The following MRTFB variants were observed in gnomAD, a reference collection of about 807,000 sequenced individuals.
MRTFB encodes the protein myocardin-related transcription factor B.
In MRTFB, 29 loss-of-function variants were observed where a neutral mutation model predicts 104.2. The ratio of observed to expected loss-of-function variants is 0.28; its 90% CI spans 0.21 to 0.38. The LOEUF (loss-of-function observed/expected upper bound fraction) is 0.38. Ranked by LOEUF, MRTFB falls within the 10% of genes least tolerant of loss-of-function variation. The pLI is 1.00. For missense variants in MRTFB, 1,270 were observed against 1,341.6 expected (o/e 0.95, Z 0.83); for synonymous variants, 535 against 519.5 (o/e 1.03, Z -0.41).
chr16:14,062,808 C>T, the MRTFB span, among the ~76,000 whole-genome samples: 5 of 152,278 alleles, frequency 3.3e-5, no homozygotes, highest in East Asian at 1.9e-4. Flanking sequence ...CCTGCTCCTG[C>T]GCCATGAAAC....
chr16:14,193,994 C>T (rs1483075770), intron 3 of MRTFB, among the ~76,000 whole-genome samples: 1 of 152,082 alleles, frequency 6.6e-6, no homozygotes, highest in Non-Finnish European at 1.5e-5. Context: ...TAAACCCATC[C>T]TAAGTGAAGG....
Position 14,134,828 on chromosome 16 carries a change from A to G in MRTFB, c.-63-5716A>G, listed in dbSNP as rs147862691. On this transcript the variant is annotated intron_variant, in intron 2 of 16. Transcript: ENST00000571589. ...GAATGTGAGCTCTGAAGTTGGAAAC[A>G]TGGCTTTGATGTTAGTCTCTTAAGT... Among the ~76,000 whole-genome samples the G allele has an allele frequency of 7.9e-5, 12 of 152,320 alleles. No homozygotes were observed. In the East Asian group the frequency reaches 2.1e-3, roughly 27 times the overall value.
intron 3 of MRTFB, among the ~76,000 whole-genome samples, chr16:14,176,351 G>T (rs1340159542): frequency 6.6e-6 from 1 of 152,224 alleles, no homozygotes; most frequent in African/African-American, 2.4e-5. Context: ...CGAAGATGGG[G>T]TAAGGGGTTT....
At chr16:14,105,181 A>G (rs930855708) in intron 2 of MRTFB, among the ~76,000 whole-genome samples, 1 of 152,174 alleles carries the variant, frequency 6.6e-6, no homozygotes, top group African/African-American at 2.4e-5. Flanking sequence ...TTGAGTGAAA[A>G]TAACTGAGCT....
intron 10 of MRTFB, 51 bp downstream of exon 10, chr16:14,240,535 A>G: frequency 6.2e-7 from 1 of 1,613,912 alleles, no homozygotes; most frequent in Non-Finnish European, 8.5e-7. Flanking sequence ...GTGGTTTTTT[A>G]TGAGGAACTA....
At chr16:14,006,483 A>C in the MRTFB span, among the ~76,000 whole-genome samples, 51 of 151,966 alleles carry the variant, frequency 3.4e-4, no homozygotes, top group African/African-American at 1.2e-3. Context: ...ACTGCACTCC[A>C]GCCTGGGCAG....
intron 3 of MRTFB, among the ~76,000 whole-genome samples, chr16:14,160,228 C>G (rs548204287): frequency 7.9e-5 from 12 of 152,120 alleles, no homozygotes; most frequent in South Asian, 2.1e-4. Context: ...AGTTCCTCAC[C>G]TTTAAAAATT....
the MRTFB span, among the ~76,000 whole-genome samples, chr16:14,057,698 C>G: frequency 5.3e-5 from 8 of 152,176 alleles, no homozygotes; most frequent in African/African-American, 1.9e-4. Context: ...CAGAGTTGTT[C>G]ACTATGAAAC....
At chr16:13,995,824 G>A in the MRTFB span, among the ~76,000 whole-genome samples, 2 of 152,006 alleles carry the variant, frequency 1.3e-5, no homozygotes, top group African/African-American at 4.8e-5. Flanking sequence ...CAGCAAGGGG[G>A]ATGACCGCTC....
chr16:14,249,229 A>T, intron 13 of MRTFB, 148 bp downstream of exon 13: 1 of 909,578 alleles, frequency 1.1e-6, no homozygotes, highest in Non-Finnish European at 1.6e-6. Flanking sequence ...CTTAGGTCAG[A>T]TGCCATTTGG....
intron 3 of MRTFB, among the ~76,000 whole-genome samples, chr16:14,167,909 G>T (rs770010308): frequency 6.6e-6 from 1 of 151,798 alleles, no homozygotes; most frequent in African/African-American, 2.4e-5. Context: ...GGATGGTCTC[G>T]ATCTCCTGAC....
intron 2 of MRTFB, among the ~76,000 whole-genome samples, chr16:14,121,914 G>C (rs193107269): frequency 2.6e-5 from 4 of 152,314 alleles, no homozygotes; most frequent in Non-Finnish European, 5.9e-5. Context: ...TTATATTTAA[G>C]TAGAACATGT....
the MRTFB span, among the ~76,000 whole-genome samples, chr16:13,997,700 G>C: frequency 4.0e-5 from 6 of 151,382 alleles, no homozygotes; most frequent in Middle Eastern, 0.014. Context: ...GGCTGAGATA[G>C]GGGGATAGCT....
At chr16:14,132,045 A>G (rs1213136474) in intron 2 of MRTFB, among the ~76,000 whole-genome samples, 1 of 152,256 alleles carries the variant, frequency 6.6e-6, no homozygotes, top group East Asian at 1.9e-4. Context: ...CATCTGATGC[A>G]TGGGTAAACA....
In MRTFB at chr16:14,261,624, A is replaced by G. The variant is rs2043782563; in HGVS notation, c.*180A>G. The G allele has an allele frequency of 3.2e-6, 2 of 624,088 alleles. No individual in the cohort carries two copies. Among genetic ancestry groups the G allele is most frequent in the African/African-American group, 1.8e-5 (1 of 54,484 alleles). 38.7% of individuals were successfully genotyped at this position (624,088 alleles called of 1,614,324 possible). A position where few individuals can be genotyped will look rare whatever the true frequency, so the allele number is the denominator to read the frequency against. On this transcript the variant is annotated 3_prime_UTR_variant, in exon 17 of 17. Transcript: ENST00000571589. ...TTGAAAACATTTCATTGTGTTCAGT[A>G]GTGAATTTCTACAGTTTAACATAGC...
At chr16:14,198,837 A>T (rs575902180) in intron 3 of MRTFB, among the ~76,000 whole-genome samples, 3 of 152,198 alleles carry the variant, frequency 2.0e-5, no homozygotes, top group Admixed American at 2.0e-4. Flanking sequence ...TTAATAAAGG[A>T]TGTCTTTGTA....
intron 2 of MRTFB, among the ~76,000 whole-genome samples, chr16:14,090,482 G>A (rs1265075175): frequency 6.6e-6 from 1 of 152,182 alleles, no homozygotes; most frequent in Non-Finnish European, 1.5e-5. Flanking sequence ...TGCAGGGCTT[G>A]GGGATCCAGA....
In MRTFB at chr16:14,224,988, A is replaced by G. The variant is rs566984084; in HGVS notation, c.693+5990A>G. On this transcript the variant is annotated intron_variant, in intron 8 of 16. Coordinates refer to ENST00000571589, the MANE Select transcript of MRTFB (RefSeq NM_001308142.2). ...GATCACCTGAGGTCGGGAGTTCAAG[A>G]CCAGCCTGACCAACATGGAGAAACC... Among the ~76,000 whole-genome samples the G allele has an allele frequency of 9.8e-5, 15 of 152,286 alleles. 1 individual carries two copies. The East Asian group carries it at 2.9e-3, about 29-fold the overall frequency.
chr16:14,100,386 A>C (rs1173892184), intron 2 of MRTFB, among the ~76,000 whole-genome samples: 1 of 152,190 alleles, frequency 6.6e-6, no homozygotes, highest in Non-Finnish European at 1.5e-5. Flanking sequence ...TTAATTCGTT[A>C]ATAGGGTGAA....
Sources: gnomAD v4.1 joint callset for allele counts (sites outside exome capture counted in the v4.1 genomes callset) on GRCh38, gnomAD v4.1.1 for gene constraint, MANE v1.5 for transcripts, NCBI Gene and HGNC (gene_info 2026-07-23, HGNC 2026-07-21) for gene names.